F13A1: variants seen among roughly 807,000 people sequenced by gnomAD.
The protein encoded by F13A1 is FSF, A subunit.
A neutral mutation model predicts 80.1 loss-of-function variants in F13A1; 47 were observed. That is an observed-to-expected ratio of 0.59 (90% confidence interval 0.46 to 0.75). F13A1 has a LOEUF of 0.75. F13A1 is among the 30% of genes least tolerant of loss of function. F13A1 has a pLI of 0.00. For missense variants in F13A1, 817 were observed against 930.4 expected, an observed-to-expected ratio of 0.88 and a Z score of 1.59; for synonymous variants, 349 against 344.9, an observed-to-expected ratio of 1.01 and a Z score of -0.13.
chr6:6,238,291 A>G (rs1757439311), intron 6 of F13A1, among the ~76,000 whole-genome samples: 1 of 152,352 alleles, frequency 6.6e-6, no homozygotes, highest in South Asian at 2.1e-4. Flanking sequence ...ATGCTGGTGG[A>G]ACAAATGGAT....
chr6:6,172,694 G>A (rs778506651), intron 12 of F13A1, among the ~76,000 whole-genome samples: 2 of 152,082 alleles, frequency 1.3e-5, no homozygotes, highest in South Asian at 2.1e-4. Flanking sequence ...TGATCCACCC[G>A]CCTCAGCCTC....
chr6:6,223,964 A>T (rs1286574328), intron 7 of F13A1, among the ~76,000 whole-genome samples: 15 of 152,194 alleles, frequency 9.9e-5, no homozygotes, highest in South Asian at 2.1e-4. Context: ...ATGTATTTTT[A>T]AAAATATTCA....
intron 6 of F13A1, among the ~76,000 whole-genome samples, chr6:6,240,827 A>G (rs1757474696): frequency 6.6e-6 from 1 of 152,194 alleles, no homozygotes. Context: ...TGTACCTCTC[A>G]TTCATCATTG....
chr6:6,289,151 C>T (rs1758176763), intron 3 of F13A1, among the ~76,000 whole-genome samples: 1 of 152,068 alleles, frequency 6.6e-6, no homozygotes, highest in Non-Finnish European at 1.5e-5. Context: ...TAGTATAGTC[C>T]TTATTTGCAG....
intron 3 of F13A1, among the ~76,000 whole-genome samples, chr6:6,291,995 T>C (rs1758229906): frequency 6.6e-6 from 1 of 152,128 alleles, no homozygotes; most frequent in Admixed American, 6.5e-5. Context: ...GGAGGCTCCC[T>C]TGGTGGAGGT....
chr6:6,171,179 T>C (rs1413301459), intron 12 of F13A1, among the ~76,000 whole-genome samples: 1 of 152,216 alleles, frequency 6.6e-6, no homozygotes, highest in African/African-American at 2.4e-5. Context: ...TGTGCTAGAC[T>C]CCAGGTAATG....
At chr6:6,297,756 GCT>G (rs1364051659) in intron 3 of F13A1, among the ~76,000 whole-genome samples, 46 of 149,178 alleles carry the variant, frequency 3.1e-4, no homozygotes, top group Non-Finnish European at 6.2e-4. Flanking sequence ...CTTCAGTTCT[GCT>G]CTGATTTTAG....
chr6:6,305,321 T>C (rs764105467), intron 3 of F13A1, 30 bp downstream of exon 3: 5 of 1,613,488 alleles, frequency 3.1e-6, no homozygotes, highest in Non-Finnish European at 4.2e-6. Context: ...ACCCATGGTG[T>C]CAAGACTGGA....
At chr6:6,194,462 A>C (rs75132439) in intron 10 of F13A1, among the ~76,000 whole-genome samples, 22,207 of 151,940 alleles carry the variant, frequency 0.15, 1,860 homozygotes, top group Non-Finnish European at 0.19. Context: ...CCTCCTTCCC[A>C]TGTGGTCCCA....
chr6:6,253,519 G>C (rs2113106460), intron 4 of F13A1, among the ~76,000 whole-genome samples: 1 of 152,234 alleles, frequency 6.6e-6, no homozygotes, highest in Non-Finnish European at 1.5e-5. Flanking sequence ...CAGAGCAGAG[G>C]GTCTCCGGAG....
Position 6,250,968 on chromosome 6 carries a change from A to G in F13A1, c.572-39T>C, listed in dbSNP as rs772198294. The G allele has an allele frequency of 1.4e-6, 2 of 1,407,990 alleles. No homozygotes were observed. Among genetic ancestry groups the G allele is most frequent in the African/African-American group, 1.4e-5 (1 of 71,220 alleles). The allele number at this position is 1,407,990 out of a possible 1,614,324, so 87.2% of individuals were successfully genotyped here. A position where few individuals can be genotyped will look rare whatever the true frequency, so the allele number is the denominator to read the frequency against. On this transcript the variant is annotated intron_variant, in intron 4 of 14. Coordinates refer to ENST00000264870, the MANE Select transcript of F13A1 (RefSeq NM_000129.4). The surrounding 1 kb of genome is among the most constrained non-coding windows in gnomAD (Gnocchi z 4.2). ...TAAACATAGTGACTATTACCAAACC[A>G]GACTGTTTCCAAACACTTGCAAGTT...
At chr6:6,228,186 T>C (rs1307126402) in intron 6 of F13A1, among the ~76,000 whole-genome samples, 2 of 152,116 alleles carry the variant, frequency 1.3e-5, no homozygotes, top group Non-Finnish European at 2.9e-5. Flanking sequence ...CAGGAGGCAT[T>C]ATTCAACTTC....
intron 11 of F13A1, among the ~76,000 whole-genome samples, chr6:6,176,561 G>A (rs1017598978): frequency 7.2e-5 from 11 of 152,192 alleles, no homozygotes; most frequent in Non-Finnish European, 1.5e-4. Flanking sequence ...GTGTATTAAC[G>A]ATTTCCCTGA....
At chr6:6,185,671 G>A (rs911436482) in intron 10 of F13A1, among the ~76,000 whole-genome samples, 16 of 151,840 alleles carry the variant, frequency 1.1e-4, no homozygotes, top group South Asian at 1.0e-3. Context: ...GAATAATGCC[G>A]CAATAAACAT....
At chr6:6,294,524 T>TCACACA (rs142401119) in intron 3 of F13A1, among the ~76,000 whole-genome samples, 5,294 of 148,572 alleles carry the variant, frequency 0.036, 295 homozygotes, top group African/African-American at 0.12. Context: ...CACACAACAC[T>TCACACA]CACACACACA....
rs184695564 is a variant in F13A1 at position 6,316,810 on chromosome 6, C to T, written c.130+1725G>A. ...TGCTCACGACAATCTGTGAAGTAGG[C>T]ATTGCTTCCATTTTGCTGATGGAGA... On this transcript the variant is annotated intron_variant, in intron 2 of 14. Coordinates refer to ENST00000264870, the MANE Select transcript of F13A1 (RefSeq NM_000129.4). Among the ~76,000 whole-genome samples, 186 of 152,278 alleles carry T rather than the reference C, an allele frequency of 1.2e-3. 2 individuals are homozygous for T. Among genetic ancestry groups the T allele is most frequent in the African/African-American group, 4.2e-3 (173 of 41,558 alleles).
At chr6:6,178,276 T>C (rs1760919532) in intron 11 of F13A1, among the ~76,000 whole-genome samples, 1 of 152,148 alleles carries the variant, frequency 6.6e-6, no homozygotes, top group Non-Finnish European at 1.5e-5. Flanking sequence ...GGGAAACTTT[T>C]ATTGGACACT....
intron 3 of F13A1, among the ~76,000 whole-genome samples, chr6:6,293,537 A>T (rs1030451408): frequency 6.6e-6 from 1 of 151,872 alleles, no homozygotes; most frequent in Non-Finnish European, 1.5e-5. Flanking sequence ...TAACACAGAG[A>T]TAGCTGTGCT....
At chr6:6,245,064 G>T (rs997614133) in intron 6 of F13A1, among the ~76,000 whole-genome samples, 1 of 152,160 alleles carries the variant, frequency 6.6e-6, no homozygotes, top group Non-Finnish European at 1.5e-5. Flanking sequence ...ATCAGTTTGA[G>T]TTGTCACAAC....
Sources: allele counts gnomAD v4.1 joint callset (sites outside exome capture counted in the v4.1 genomes callset), GRCh38; gene constraint gnomAD v4.1.1; non-coding constraint Gnocchi (gnomAD v3.1); transcripts MANE v1.5; gene names NCBI Gene and HGNC (gene_info 2026-07-23, HGNC 2026-07-21).